The following GRM7 variants were observed in gnomAD, a reference collection of about 807,000 sequenced individuals.
The protein encoded by GRM7 is glutamate metabotropic receptor 7.
Under a neutral mutation model 84.5 loss-of-function variants are expected in GRM7, and 35 were observed. That is an observed-to-expected ratio of 0.41 (90% CI 0.32 to 0.55). The LOEUF (loss-of-function observed/expected upper bound fraction) is 0.55. GRM7 is among the 20% of genes least tolerant of loss of function. The pLI is 0.19. For synonymous variants in GRM7, 487 were observed against 455.1 expected (o/e 1.07, Z -0.89); for missense variants, 1,003 against 1,194.6 (o/e 0.84, Z 2.36).
chr3:7,065,727 AATG>A (rs1314024150), intron 1 of GRM7, among the ~76,000 whole-genome samples: 1 of 151,770 alleles, frequency 6.6e-6, no homozygotes, highest in African/African-American at 2.4e-5. Context: ...TTCTGTGAAG[AATG>A]ATGGTGGTCT....
chr3:7,452,825 C>T lies in GRM7; in HGVS notation c.1375+18C>T. On this transcript the variant is annotated intron_variant, in intron 6 of 9. Transcript: ENST00000357716. ...TTTCAATGGTGAGTCTCCAAAAATC[C>T]ATCCTTTTTGGAATCCTAAGTGTTG... The T allele has an allele frequency of 6.6e-7, 1 of 1,526,268 alleles. No homozygotes were observed. The highest frequency in any genetic ancestry group is 1.4e-5 in the African/African-American group (1 of 73,538). 94.5% of individuals were successfully genotyped at this position (1,526,268 alleles called of 1,614,324 possible). A position where few individuals can be genotyped will look rare whatever the true frequency, so the allele number is the denominator to read the frequency against.
intron 8 of GRM7, among the ~76,000 whole-genome samples, chr3:7,626,587 G>A (rs1480286484): frequency 6.6e-6 from 1 of 152,192 alleles, no homozygotes; most frequent in African/African-American, 2.4e-5. Context: ...GCTGCAGACA[G>A]CAATGCTTGG....
chr3:6,888,685 T>C (rs1695805602), intron 1 of GRM7, among the ~76,000 whole-genome samples: 1 of 152,178 alleles, frequency 6.6e-6, no homozygotes, highest in Non-Finnish European at 1.5e-5. Flanking sequence ...AGCTTTGTTC[T>C]TTTGGCTTAG....
In GRM7 at chr3:7,737,843, ATT is replaced by A. The variant is rs35087158; in HGVS notation, c.2699-2494_2699-2493del. On this transcript the variant is annotated intron_variant, in intron 9 of 9. Coordinates refer to ENST00000357716, the MANE Select transcript of GRM7 (RefSeq NM_000844.4). ...GCACCAGGTAAAAATTATTCTCCCA[ATT>A]TTTTTTTTTTTTTTTTTTTGACACA... 2.1e-3 allele frequency among the ~76,000 whole-genome samples: 282 copies of A among 134,384 alleles called. 2 individuals carry two copies. Among genetic ancestry groups the A allele is most frequent in the East Asian group, 8.4e-3 (39 of 4,644 alleles). The allele number at this position is 134,384 out of a possible 152,430, so 88.2% of individuals were successfully genotyped here.
At chr3:7,502,637 T>G (rs970150527) in intron 7 of GRM7, among the ~76,000 whole-genome samples, 1 of 152,130 alleles carries the variant, frequency 6.6e-6, no homozygotes, top group Non-Finnish European at 1.5e-5. Context: ...ACTTAATAGA[T>G]TCACTATTTT....
intron 2 of GRM7, among the ~76,000 whole-genome samples, chr3:7,261,788 A>G (rs1435623289): frequency 6.6e-6 from 1 of 152,180 alleles, no homozygotes; most frequent in Non-Finnish European, 1.5e-5. Flanking sequence ...AAGTATGATG[A>G]TAACAAATTC....
intron 7 of GRM7, among the ~76,000 whole-genome samples, chr3:7,499,272 T>C (rs2124961841): frequency 6.6e-6 from 1 of 152,296 alleles, no homozygotes; most frequent in African/African-American, 2.4e-5. Flanking sequence ...ATTCAGGCCT[T>C]TCCTAACCTA....
intron 4 of GRM7, among the ~76,000 whole-genome samples, chr3:7,378,808 A>T (rs1052226539): frequency 9.2e-5 from 14 of 152,226 alleles, no homozygotes; most frequent in Admixed American, 7.2e-4. Context: ...GCCACATTTG[A>T]TTCATCTATC....
intron 8 of GRM7, among the ~76,000 whole-genome samples, chr3:7,582,490 G>A (rs147599795): frequency 2.4e-4 from 37 of 152,190 alleles, no homozygotes; most frequent in African/African-American, 8.7e-4. Flanking sequence ...CTTCCTTTGT[G>A]TATAAGTGTG....
At chr3:6,937,968 CA>C (rs1210926102) in intron 1 of GRM7, among the ~76,000 whole-genome samples, 1 of 152,154 alleles carries the variant, frequency 6.6e-6, no homozygotes, top group Non-Finnish European at 1.5e-5. Context: ...ATGACATCCT[CA>C]TTTTACAGAT....
intron 3 of GRM7, among the ~76,000 whole-genome samples, chr3:7,302,277 A>G (rs1337169962): frequency 6.6e-6 from 1 of 152,164 alleles, no homozygotes; most frequent in Non-Finnish European, 1.5e-5. Context: ...AAGTTTTTTT[A>G]TACATACACA....
intron 2 of GRM7, among the ~76,000 whole-genome samples, chr3:7,152,913 C>T (rs550454128): frequency 6.6e-6 from 1 of 152,214 alleles, no homozygotes; most frequent in East Asian, 1.9e-4. Flanking sequence ...TCAGTCTTGG[C>T]TAATCAGACA....
intron 1 of GRM7, among the ~76,000 whole-genome samples, chr3:6,932,834 A>C (rs1697556754): frequency 6.9e-6 from 1 of 145,866 alleles, no homozygotes. Context: ...GGCTCACTGC[A>C]ATCTTCGACT....
intron 2 of GRM7, among the ~76,000 whole-genome samples, chr3:7,248,263 A>G (rs1249881895): frequency 6.6e-6 from 1 of 152,194 alleles, no homozygotes; most frequent in East Asian, 1.9e-4. Context: ...CTGTGTTCAT[A>G]CAAGGGAATA....
In GRM7 at chr3:7,416,018, T is replaced by C. The variant is rs575323642; in HGVS notation, c.1174+855T>C. On this transcript the variant is annotated intron_variant, in intron 5 of 9. Transcript: ENST00000357716. The stretch of plus-strand genomic sequence containing the variant: ...TCAAGATAAAATGAAGAAATGGACA[T>C]TGGCTGGTTAGGGAAGGAAAATAGG... Among the ~76,000 whole-genome samples, 3 of 152,194 alleles carry C rather than the reference T, an allele frequency of 2.0e-5. No homozygotes were observed. In the South Asian group the frequency reaches 6.2e-4, roughly 32 times the overall value.
At chr3:7,420,395 A>G (rs1696346498) in intron 5 of GRM7, among the ~76,000 whole-genome samples, 1 of 152,180 alleles carries the variant, frequency 6.6e-6, no homozygotes, top group African/African-American at 2.4e-5. Context: ...ATCCACAACA[A>G]AATGTTATAG....
chr3:7,547,464 C>T (rs542119908), intron 7 of GRM7, among the ~76,000 whole-genome samples: 23 of 152,206 alleles, frequency 1.5e-4, no homozygotes, highest in Admixed American at 1.5e-3. Flanking sequence ...CCTCGGCCTC[C>T]CAAAGTGCTG....
intron 9 of GRM7, among the ~76,000 whole-genome samples, chr3:7,735,329 T>TC (rs1702468418): frequency 6.8e-6 from 1 of 146,760 alleles, no homozygotes; most frequent in African/African-American, 2.6e-5. Context: ...TTAAGAAATA[T>TC]CCCCATGTAC....
chr3:7,418,525 T>C (rs950430253), intron 5 of GRM7, among the ~76,000 whole-genome samples: 8 of 152,196 alleles, frequency 5.3e-5, no homozygotes, highest in African/African-American at 1.9e-4. Flanking sequence ...CCATTTTCAT[T>C]TGCAGGCAGA....
Sources: allele counts gnomAD v4.1 joint callset (sites outside exome capture counted in the v4.1 genomes callset), GRCh38; gene constraint gnomAD v4.1.1; transcripts MANE v1.5; gene names NCBI Gene and HGNC (gene_info 2026-07-23, HGNC 2026-07-21).